The following SAPCD2 variants were observed in gnomAD, a reference collection of about 807,000 sequenced individuals.
SAPCD2 encodes suppressor APC domain-containing protein 2.
SAPCD2 carries 34 observed loss-of-function variants against 37.8 expected under a neutral mutation model. The ratio of observed to expected loss-of-function variants is 0.90; its 90% CI spans 0.68 to 1.20. The LOEUF (loss-of-function observed/expected upper bound fraction) is 1.20, where lower values mean the gene tolerates loss of function less well. SAPCD2 is among the 50% of genes most tolerant of loss of function. The pLI, the probability that SAPCD2 is intolerant of heterozygous loss-of-function variation, is 0.00. For missense variants in SAPCD2, 572 were observed against 584.7 expected (o/e 0.98, Z 0.22); for synonymous variants, 275 against 270.3 (o/e 1.02, Z -0.17).
chr9:137,067,829 G>T (rs945765962), intron 1 of SAPCD2, among the ~76,000 whole-genome samples: 13 of 149,414 alleles, frequency 8.7e-5, no homozygotes, highest in Non-Finnish European at 1.5e-4. Flanking sequence ...ACGCCAGGCG[G>T]TGCACCCAAC....
rs1588562342 is a variant in SAPCD2, at chr9:137,063,571, C to A, written c.*1088G>T. ...CATCGGGGGCCCTGGGCTGCAGAAC[C>A]CATCGATGCTGTTGCCGTGCCCCTG... On this transcript the variant is annotated 3_prime_UTR_variant, in exon 6 of 6. Transcript: ENST00000409687. 1 of 152,148 alleles carries A rather than the reference C, an allele frequency of 6.6e-6. No homozygotes were observed. The highest frequency in any genetic ancestry group is 6.5e-5 in the Admixed American group (1 of 15,274). 9.4% of individuals were successfully genotyped at this position (152,148 alleles called of 1,614,324 possible).
chr9:137,067,683 A>G (rs940925322), intron 1 of SAPCD2, among the ~76,000 whole-genome samples: 7 of 138,868 alleles, frequency 5.0e-5, no homozygotes, highest in African/African-American at 1.9e-4. Flanking sequence ...CTGAAGCAGG[A>G]GGATCGCTTG....
In SAPCD2 at chr9:137,065,187, TG is replaced by T. The variant is rs757747022; in HGVS notation, c.832-3del. On this transcript the variant is annotated splice_polypyrimidine_tract_variant and splice_region_variant and intron_variant, in intron 3 of 5. Transcript: ENST00000409687. The stretch of plus-strand genomic sequence containing the variant: ...GGGGCTCCCTGCAGCCCCAAAGTCC[TG>T]GGAAGAAAGCAGAGGACAAGCGGTC... 1.0e-5 allele frequency: 15 copies of T among 1,456,702 alleles called. 1 individual carries two copies. In the South Asian group the frequency reaches 2.0e-4, roughly 19 times the overall value. The allele number at this position is 1,456,702 out of a possible 1,614,324, so 90.2% of individuals were successfully genotyped here.
intron 1 of SAPCD2, among the ~76,000 whole-genome samples, chr9:137,068,986 G>T (rs1832587763): frequency 6.6e-6 from 1 of 152,260 alleles, no homozygotes; most frequent in South Asian, 2.1e-4. Context: ...GAATATGGCT[G>T]AGGTGGGGGA....
chr9:137,069,892 G>A lies in SAPCD2; in HGVS notation c.569C>T (p.Ala190Val). ...CCCGGGGGCCGTCCGGAACTCACCT[G>A]CGTCCGCGCTGGAGCTCGGTTCCAG... ...AALEPSSSAD[A>V]GAVACRALEA... Residue 190 changes from alanine (A) to valine (V), a missense_variant and splice_region_variant, in exon 1 of 6, where the codon GCA (alanine) becomes GTA (valine). Ala to Val is a moderately conservative substitution (Grantham distance 64, BLOSUM62 0). Coordinates refer to ENST00000409687, the MANE Select transcript of SAPCD2 (RefSeq NM_178448.4). 7.8e-7 allele frequency: 1 copy of A among 1,273,930 alleles called. No homozygotes were observed. Among genetic ancestry groups the A allele is most frequent in the South Asian group, 2.5e-5 (1 of 40,310 alleles). 78.9% of individuals were successfully genotyped at this position (1,273,930 alleles called of 1,614,324 possible). A position where few individuals can be genotyped will look rare whatever the true frequency, so the allele number is the denominator to read the frequency against.
At position 137,062,475 on chromosome 9, in the gene SAPCD2, T is replaced by G. The variant is rs1832474221; in HGVS notation, c.*2184A>C. ...ACAAAATCCTGAGGCCTGGTGTGGG[T>G]GTGTTCCTCTGGGGCAGATTCTCAA... On this transcript the variant is annotated 3_prime_UTR_variant, in exon 6 of 6. Transcript: ENST00000409687. 1 of 152,180 alleles carries G rather than the reference T, an allele frequency of 6.6e-6. No individual in the cohort carries two copies. Among genetic ancestry groups the G allele is most frequent in the African/African-American group, 2.4e-5 (1 of 41,436 alleles). The allele number at this position is 152,180 out of a possible 1,614,324, so 9.4% of individuals were successfully genotyped here. A position where few individuals can be genotyped will look rare whatever the true frequency, so the allele number is the denominator to read the frequency against.
Position 137,070,360 on chromosome 9 carries a change from G to C in SAPCD2, c.101C>G (p.Thr34Ser), listed in dbSNP as rs1251696804. ...CCGGTCGTCCAGGATGTCGAACAGG[G>C]TGCGCAGGCTCTGCAGGAAGGCGCG... The part of the protein sequence containing the change: ...LPRAFLQSLR[T>S]LFDILDDRRR... Residue 34 changes from threonine (T) to serine (S), a missense_variant, in exon 1 of 6, where the codon ACC (threonine) becomes AGC (serine). Physicochemically the swap from Thr to Ser is moderately conservative, Grantham distance 58 (BLOSUM62 1). Transcript: ENST00000409687. The C allele has an allele frequency of 2.8e-6, 4 of 1,448,244 alleles. No individual in the cohort carries two copies. The highest frequency in any genetic ancestry group is 3.6e-6 in the Non-Finnish European group (4 of 1,099,768). 89.7% of individuals were successfully genotyped at this position (1,448,244 alleles called of 1,614,324 possible).
At chr9:137,067,677 AG>A (rs1213369316) in intron 1 of SAPCD2, among the ~76,000 whole-genome samples, 1 of 146,810 alleles carries the variant, frequency 6.8e-6, no homozygotes, top group Non-Finnish European at 1.5e-5. Flanking sequence ...GGGAGGCTGA[AG>A]CAGGAGGATC....
In SAPCD2 at chr9:137,064,540, C is replaced by T. The variant is rs903958997; in HGVS notation, c.*119G>A. ...AAGGGCGGCAGGAAGGCGCCCACTC[C>T]GGGACTGTGCCTGGGCCTGCCGGGG... On this transcript the variant is annotated 3_prime_UTR_variant, in exon 6 of 6. Transcript: ENST00000409687. 8.8e-6 allele frequency: 11 copies of T among 1,248,708 alleles called. 1 individual carries two copies. The highest frequency in any genetic ancestry group is 1.5e-5 in the African/African-American group (1 of 66,488). The allele number at this position is 1,248,708 out of a possible 1,614,324, so 77.4% of individuals were successfully genotyped here.
chr9:137,068,752 G>A (rs1223972721), intron 1 of SAPCD2, among the ~76,000 whole-genome samples: 1 of 152,248 alleles, frequency 6.6e-6, no homozygotes. Flanking sequence ...TGGACCACAG[G>A]CTTAGGCCTC....
At chr9:137,067,948 C>T (rs1327298374) in intron 1 of SAPCD2, among the ~76,000 whole-genome samples, 1 of 152,146 alleles carries the variant, frequency 6.6e-6, no homozygotes, top group Non-Finnish European at 1.5e-5. Flanking sequence ...TCCGGCCCAG[C>T]TTCCTGGTGA....
chr9:137,064,475 C>G lies in SAPCD2; in HGVS notation c.*184G>C, dbSNP rs1311880506. The G allele has an allele frequency of 3.0e-6, 2 of 673,992 alleles. No homozygotes were observed. The highest frequency in any genetic ancestry group is 5.0e-6 in the Non-Finnish European group (2 of 403,052). The allele number at this position is 673,992 out of a possible 1,614,324, so 41.8% of individuals were successfully genotyped here. ...CCAAAACGGAGTCAAGCGCTCGGTGCGGGGACCAGCCGGGGGCAGGCCTGG... is the reference window on the plus strand; with the variant it reads ...CCAAAACGGAGTCAAGCGCTCGGTGGGGGGACCAGCCGGGGGCAGGCCTGG... On this transcript the variant is annotated 3_prime_UTR_variant, in exon 6 of 6. Coordinates refer to ENST00000409687, the MANE Select transcript of SAPCD2 (RefSeq NM_178448.4).
Position 137,070,134 on chromosome 9 carries a change from C to G in SAPCD2, c.327G>C (p.Pro109=). The part of the protein sequence containing the change: ...DGGPRDPTRA[P]ARPGDQPPPP... ...GCGGCGGCTGATCCCCGGGCCGGGCCGGGGCGCGCGTGGGGTCCCGGGGGC... is the reference window on the plus strand; with the variant it reads ...GCGGCGGCTGATCCCCGGGCCGGGCGGGGGCGCGCGTGGGGTCCCGGGGGC... The change falls in exon 1 of 6, where the codon CCG becomes CCC. Residue 109 remains proline, a synonymous_variant. Coordinates refer to ENST00000409687, the MANE Select transcript of SAPCD2 (RefSeq NM_178448.4). 2 of 1,197,836 alleles carry G rather than the reference C, an allele frequency of 1.7e-6. No homozygotes were observed. The highest frequency in any genetic ancestry group is 2.1e-6 in the Non-Finnish European group (2 of 967,586). The allele number at this position is 1,197,836 out of a possible 1,614,324, so 74.2% of individuals were successfully genotyped here.
rs985308534 is a variant in SAPCD2 at position 137,063,482 on chromosome 9, C to T, written c.*1177G>A. The T allele has an allele frequency of 2.3e-4, 35 of 150,866 alleles. No individual in the cohort carries two copies. Among genetic ancestry groups the T allele is most frequent in the East Asian group, 7.9e-4 (4 of 5,058 alleles). The allele number at this position is 150,866 out of a possible 1,614,324, so 9.3% of individuals were successfully genotyped here. ...CACTGACCCCGCATCGGAGGCCCTG[C>T]GCCCCACACACACTGACCCCGCATC... is the stretch of plus-strand genomic sequence containing the variant. On this transcript the variant is annotated 3_prime_UTR_variant, in exon 6 of 6. Coordinates refer to ENST00000409687, the MANE Select transcript of SAPCD2 (RefSeq NM_178448.4).
At chr9:137,068,354 G>A (rs558679868) in intron 1 of SAPCD2, among the ~76,000 whole-genome samples, 10 of 152,370 alleles carry the variant, frequency 6.6e-5, no homozygotes, top group East Asian at 3.9e-4. Flanking sequence ...AGATAGCAGC[G>A]TGCTGGGTGA....
chr9:137,069,733 G>C (rs978029309), intron 1 of SAPCD2, among the ~76,000 whole-genome samples, 157 bp downstream of exon 1: 1 of 152,218 alleles, frequency 6.6e-6, no homozygotes, highest in Non-Finnish European at 1.5e-5. Flanking sequence ...TTTCCCTCCA[G>C]ACCCGCCGAG....
At chr9:137,069,755 G>T in intron 1 of SAPCD2, 135 bp downstream of exon 1, 1 of 597,584 alleles carries the variant, frequency 1.7e-6, no homozygotes, top group Non-Finnish European at 2.4e-6. Context: ...CGCCCTCCAG[G>T]ATCCGGAGTC....
At chr9:137,067,614 A>C (rs1832565597) in intron 1 of SAPCD2, among the ~76,000 whole-genome samples, 1 of 151,154 alleles carries the variant, frequency 6.6e-6, no homozygotes, top group Non-Finnish European at 1.5e-5. Flanking sequence ...TCTCTACTAA[A>C]AATACAAAAA....
Position 137,070,310 on chromosome 9 carries a change from C to T in SAPCD2, c.151G>A (p.Glu51Lys), listed in dbSNP as rs1472174571. The change falls in exon 1 of 6, where the codon GAG (glutamate) becomes AAG (lysine). Residue 51 changes from glutamate (E) to lysine (K), a missense_variant. By Grantham distance (56) the Glu-to-Lys change is moderately conservative. Transcript: ENST00000409687. Reference protein sequence around the residue: ...DRRRGCVHLREIESRWQGTDA... With the variant: ...DRRRGCVHLRKIESRWQGTDA... ...GTGCCCTGCCAGCGGGACTCGATCT[C>T]GCGCAGGTGCACGCAGCCGCGCCGC... 1 of 1,482,476 alleles carries T rather than the reference C, an allele frequency of 6.7e-7. No individual in the cohort carries two copies. The highest frequency in any genetic ancestry group is 2.9e-5 in the East Asian group (1 of 34,874). 91.8% of individuals were successfully genotyped at this position (1,482,476 alleles called of 1,614,324 possible). A position where few individuals can be genotyped will look rare whatever the true frequency, so the allele number is the denominator to read the frequency against.
Sources: allele counts gnomAD v4.1 joint callset (sites outside exome capture counted in the v4.1 genomes callset), GRCh38; gene constraint gnomAD v4.1.1; transcripts MANE v1.5; gene names NCBI Gene and HGNC (gene_info 2026-07-23, HGNC 2026-07-21).